The following SORCS1 variants were observed in gnomAD, a reference collection of about 807,000 sequenced individuals.
SORCS1 encodes VPS10 domain-containing receptor SorCS1.
Under a neutral mutation model 146.1 loss-of-function variants are expected in SORCS1, and 60 were observed. The ratio of observed to expected loss-of-function variants is 0.41; its 90% CI spans 0.33 to 0.51. The LOEUF (loss-of-function observed/expected upper bound fraction) is 0.51, where lower values mean the gene tolerates loss of function less well. SORCS1 is among the 20% of genes least tolerant of loss of function. SORCS1 has a pLI of 0.21. For missense variants in SORCS1, 1,352 were observed against 1,487.6 expected (o/e 0.91, Z 1.50); for synonymous variants, 637 against 584.0 (o/e 1.09, Z -1.31).
intron 1 of SORCS1, among the ~76,000 whole-genome samples, chr10:107,067,213 T>C (rs1961954520): frequency 6.6e-6 from 1 of 152,182 alleles, no homozygotes. Flanking sequence ...TCATTTCTCC[T>C]TACTCCTTAC....
chr10:106,801,350 T>C (rs1946860042), intron 3 of SORCS1, among the ~76,000 whole-genome samples: 1 of 152,114 alleles, frequency 6.6e-6, no homozygotes, highest in Non-Finnish European at 1.5e-5. Context: ...AATTTCTAAA[T>C]GTGCTTTATA....
At chr10:107,100,340 C>T (rs1460488593) in intron 1 of SORCS1, among the ~76,000 whole-genome samples, 1 of 151,984 alleles carries the variant, frequency 6.6e-6, no homozygotes, top group African/African-American at 2.4e-5. Flanking sequence ...AGTGAAACCC[C>T]GTCTCTACTA....
chr10:106,596,901 G>A lies in SORCS1; in HGVS notation c.3265+450C>T, dbSNP rs534132405. On this transcript the variant is annotated intron_variant, in intron 24 of 25. Coordinates refer to ENST00000263054, the MANE Select transcript of SORCS1 (RefSeq NM_052918.5). ...CCTTCTCACTGGGTCACCCAGGTTG[G>A]AGTGCGGTGGCGTGATCTCGGCTCA... Among the ~76,000 whole-genome samples, 140 of 152,252 alleles carry A rather than the reference G, an allele frequency of 9.2e-4. 2 individuals are homozygous for A. In the South Asian group the frequency reaches 0.028, roughly 30 times the overall value.
At chr10:106,877,912 C>G (rs1950652748) in intron 2 of SORCS1, among the ~76,000 whole-genome samples, 1 of 152,278 alleles carries the variant, frequency 6.6e-6, no homozygotes, top group East Asian at 1.9e-4. Flanking sequence ...GTGGAAACAA[C>G]TCTCAGAGTA....
intron 5 of SORCS1, among the ~76,000 whole-genome samples, chr10:106,731,126 G>T (rs1362161296): frequency 1.3e-5 from 2 of 151,394 alleles, no homozygotes; most frequent in African/African-American, 2.4e-5. Flanking sequence ...TGGCTAACAC[G>T]GTGAAACCCC....
chr10:106,802,743 C>T (rs1056151458), intron 3 of SORCS1, among the ~76,000 whole-genome samples: 3 of 152,120 alleles, frequency 2.0e-5, no homozygotes, highest in African/African-American at 4.8e-5. Flanking sequence ...TGCTGATTTG[C>T]CCACCTCGGC....
intron 1 of SORCS1, among the ~76,000 whole-genome samples, chr10:106,964,978 C>G (rs1409199576): frequency 6.6e-6 from 1 of 150,680 alleles, no homozygotes; most frequent in Non-Finnish European, 1.5e-5. Context: ...CAGCAAGAAA[C>G]AGAATGCTAA....
chr10:106,602,626 C>T (rs1463114913), intron 23 of SORCS1, among the ~76,000 whole-genome samples: 2 of 151,432 alleles, frequency 1.3e-5, no homozygotes, highest in Non-Finnish European at 2.9e-5. Context: ...GACACAAATC[C>T]GTCATAAATA....
At chr10:106,804,172 G>A (rs1363542236) in intron 3 of SORCS1, among the ~76,000 whole-genome samples, 1 of 152,020 alleles carries the variant, frequency 6.6e-6, no homozygotes, top group Non-Finnish European at 1.5e-5. Flanking sequence ...TATCAAAAAT[G>A]AGGAGAGTGT....
chr10:107,150,851 GCC>G (rs1968733289), intron 1 of SORCS1, among the ~76,000 whole-genome samples: 1 of 152,172 alleles, frequency 6.6e-6, no homozygotes, highest in Admixed American at 6.5e-5. Context: ...ATTCCCTTCA[GCC>G]ATGATTGTAA....
chr10:107,031,957 A>T (rs922770572), intron 1 of SORCS1, among the ~76,000 whole-genome samples: 1 of 152,152 alleles, frequency 6.6e-6, no homozygotes, highest in Non-Finnish European at 1.5e-5. Flanking sequence ...ATTCTTCTCC[A>T]TATGTTATTC....
intron 2 of SORCS1, among the ~76,000 whole-genome samples, chr10:106,889,461 A>G (rs908434574): frequency 2.6e-5 from 4 of 152,112 alleles, no homozygotes; most frequent in Admixed American, 6.5e-5. Context: ...TGTGTCTATT[A>G]AGGTATAAAA....
intron 4 of SORCS1, among the ~76,000 whole-genome samples, chr10:106,767,991 G>A (rs1051624693): frequency 7.3e-5 from 11 of 150,740 alleles, no homozygotes; most frequent in African/African-American, 2.4e-4. Context: ...TTTTTTTCCC[G>A]AAATCATTAG....
In SORCS1 at chr10:106,889,888, T is replaced by TAAAAAAAA. The variant is rs772421907; in HGVS notation, c.627-60223_627-60216dup. Among the ~76,000 whole-genome samples, 197 of 71,660 alleles carry TAAAAAAAA rather than the reference T, an allele frequency of 2.7e-3. 18 individuals are homozygous for TAAAAAAAA. The highest frequency in any genetic ancestry group is 9.1e-3 in the African/African-American group (177 of 19,412). The allele number at this position is 71,660 out of a possible 152,430, so 47.0% of individuals were successfully genotyped here. A position where few individuals can be genotyped will look rare whatever the true frequency, so the allele number is the denominator to read the frequency against. On this transcript the variant is annotated intron_variant, in intron 2 of 25. Coordinates refer to ENST00000263054, the MANE Select transcript of SORCS1 (RefSeq NM_052918.5). ...TGACAGAGTGAGACTACGTCTCAAA[T>TAAAAAAAA]AAAAAAAAAAAAAAAAAAAAAAAGC...
chr10:106,700,709 C>T (rs760082672), intron 8 of SORCS1, among the ~76,000 whole-genome samples: 5 of 152,104 alleles, frequency 3.3e-5, no homozygotes, highest in Admixed American at 1.3e-4. Flanking sequence ...CTCCTCTAGA[C>T]GTGTAGGAAC....
At chr10:107,077,016 T>C (rs1288479793) in intron 1 of SORCS1, among the ~76,000 whole-genome samples, 2 of 152,186 alleles carry the variant, frequency 1.3e-5, no homozygotes, top group Admixed American at 6.5e-5. Context: ...CTTGATTATT[T>C]GCATGTGTTA....
intron 2 of SORCS1, among the ~76,000 whole-genome samples, chr10:106,919,725 T>C (rs2418824): frequency 0.43 from 65,201 of 152,064 alleles, 14,366 homozygotes; most frequent in African/African-American, 0.53. Context: ...AATAAAAATG[T>C]ATAAATAAAG....
intron 19 of SORCS1, among the ~76,000 whole-genome samples, chr10:106,628,836 A>G (rs952433989): frequency 6.6e-6 from 1 of 152,240 alleles, no homozygotes; most frequent in African/African-American, 2.4e-5. Flanking sequence ...TGAGTGGTGC[A>G]TGTGGATTGT....
At position 106,955,686 on chromosome 10, in the gene SORCS1, G is replaced by T. The variant is rs578002986; in HGVS notation, c.626+827C>A. 1.5e-3 allele frequency among the ~76,000 whole-genome samples: 230 copies of T among 152,338 alleles called. 3 individuals carry two copies. The highest frequency in any genetic ancestry group is 6.8e-3 in the Middle Eastern group (2 of 294). ...CAGGACCACCATGGAAGGGAAGTTA[G>T]TAAAGGAATGTTGCCCTGGGCCAGG... On this transcript the variant is annotated intron_variant, in intron 2 of 25. Transcript: ENST00000263054.
Sources: gnomAD v4.1 joint callset for allele counts (sites outside exome capture counted in the v4.1 genomes callset) on GRCh38, gnomAD v4.1.1 for gene constraint, MANE v1.5 for transcripts, NCBI Gene and HGNC (gene_info 2026-07-23, HGNC 2026-07-21) for gene names.